The following ACVR1B variants were observed in gnomAD, a reference collection of about 807,000 sequenced individuals.
The protein encoded by ACVR1B is activin A receptor type 1B.
A neutral mutation model predicts 55.6 loss-of-function variants in ACVR1B; 15 were observed. The ratio of observed to expected loss-of-function variants is 0.27; its 90% CI spans 0.18 to 0.42. The LOEUF (loss-of-function observed/expected upper bound fraction) is 0.42. Ranked by LOEUF, ACVR1B falls within the 10% of genes least tolerant of loss-of-function variation. ACVR1B has a pLI of 1.00. For synonymous variants in ACVR1B, 247 were observed against 254.6 expected, an observed-to-expected ratio of 0.97 and a Z score of 0.28; for missense variants, 359 against 670.1, an observed-to-expected ratio of 0.54 and a Z score of 5.13.
intron 3 of ACVR1B, among the ~76,000 whole-genome samples, chr12:51,977,745 G>A (rs1276449212): frequency 6.8e-6 from 1 of 146,386 alleles, no homozygotes; most frequent in Admixed American, 6.9e-5. Flanking sequence ...AGTCTCCTGA[G>A]TAGCTGAGAT....
In ACVR1B at chr12:51,982,633, T is replaced by C; in HGVS notation, c.812-1366T>C. On this transcript the variant is annotated intron_variant, in intron 4 of 8. Coordinates refer to ENST00000257963, the MANE Select transcript of ACVR1B (RefSeq NM_004302.5). ...TGGCATGGTGCAATTTAGAAGTTAG[T>C]GTCTACAAAGCCTACAGAAGATGCT... 5 of 1,459,952 alleles carry C rather than the reference T, an allele frequency of 3.4e-6. No homozygotes were observed. The South Asian group carries it at 4.2e-5, about 12-fold the overall frequency. The allele number at this position is 1,459,952 out of a possible 1,614,324, so 90.4% of individuals were successfully genotyped here. A position where few individuals can be genotyped will look rare whatever the true frequency, so the allele number is the denominator to read the frequency against.
In ACVR1B at chr12:51,971,141, CTGTGT is replaced by C. The variant is rs530436437; in HGVS notation, c.92-4122_92-4118del. Among the ~76,000 whole-genome samples, 174 of 152,280 alleles carry C rather than the reference CTGTGT, an allele frequency of 1.1e-3. 1 individual carries two copies. The South Asian group carries it at 0.013, about 12-fold the overall frequency. On this transcript the variant is annotated intron_variant, in intron 1 of 8. Transcript: ENST00000257963. ...GTGGCCTGTCTTTTCTGAGTTCCAG[CTGTGT>C]TAGGCGCCTCTATAACACGGAGCTA...
intron 1 of ACVR1B, among the ~76,000 whole-genome samples, chr12:51,952,393 C>T (rs1009063354): frequency 1.3e-5 from 2 of 152,178 alleles, no homozygotes; most frequent in Admixed American, 6.5e-5. Flanking sequence ...CTTCCCCTCC[C>T]TCCACTGCCT....
At chr12:51,975,076 C>T (rs1386933248) in intron 1 of ACVR1B, among the ~76,000 whole-genome samples, 189 bp from the exon 2 acceptor site, 1 of 152,176 alleles carries the variant, frequency 6.6e-6, no homozygotes, top group Non-Finnish European at 1.5e-5. Context: ...AGTGGAGCTT[C>T]AAAAGCCTTG....
At chr12:51,966,364 GC>G (rs1941640412) in intron 1 of ACVR1B, among the ~76,000 whole-genome samples, 1 of 152,226 alleles carries the variant, frequency 6.6e-6, no homozygotes, top group African/African-American at 2.4e-5. Context: ...AAATAACAGT[GC>G]AAGCGGGAAC....
In ACVR1B at chr12:51,956,560, CCTCT is replaced by C. The variant is rs141977427; in HGVS notation, c.91+4729_91+4732del. Among the ~76,000 whole-genome samples the C allele has an allele frequency of 6.2e-4, 95 of 152,304 alleles. No individual in the cohort carries two copies. In the East Asian group the frequency reaches 0.018, roughly 29 times the overall value. ...TAGTGTGCCTGGAGCTGCCACTTCA[CCTCT>C]CTATCAGCTTCATTGTTTTATCTGT... On this transcript the variant is annotated intron_variant, in intron 1 of 8. Coordinates refer to ENST00000257963, the MANE Select transcript of ACVR1B (RefSeq NM_004302.5).
At chr12:51,975,923 C>G (rs1197325525) in intron 2 of ACVR1B, among the ~76,000 whole-genome samples, 6 of 152,206 alleles carry the variant, frequency 3.9e-5, no homozygotes, top group Non-Finnish European at 7.3e-5. Flanking sequence ...CCGAGAAACA[C>G]CACATACCAT....
In ACVR1B at chr12:51,991,983, A is replaced by G. The variant is rs756507261; in HGVS notation, c.1382A>G (p.Gln461Arg). The G allele has an allele frequency of 3.1e-6, 5 of 1,614,130 alleles. No homozygotes were observed. In the African/African-American group the frequency reaches 4.0e-5, roughly 13 times the overall value. The change falls in exon 8 of 9, where the codon CAG (glutamine) becomes CGG (arginine). Residue 461 changes from glutamine (Q) to arginine (R), a missense_variant. Coordinates refer to ENST00000257963, the MANE Select transcript of ACVR1B (RefSeq NM_004302.5). ...KLRPNIPNWW[Q>R]SYEALRVMGK... is the part of the protein sequence containing the mutation. Reference sequence around the variant, plus strand: ...CGTCCCAACATCCCCAACTGGTGGCAGAGTTATGAGGTAAGAAGCTGGCCT... The same window carrying G: ...CGTCCCAACATCCCCAACTGGTGGCGGAGTTATGAGGTAAGAAGCTGGCCT...
In ACVR1B at chr12:51,976,424, CATT is replaced by C. The variant is rs544863712; in HGVS notation, c.430_432del (p.Ile144del). 48 of 1,614,178 alleles carry C rather than the reference CATT, an allele frequency of 3.0e-5. No homozygotes were observed. Among genetic ancestry groups the C allele is most frequent in the South Asian group, 9.9e-5 (9 of 91,080 alleles). Reference sequence around the variant, plus strand: ...TGTTCCTCCTGTTCCTCATCATCATCATTGTTTTCCTTGTCATTAACTATCATC... The same window carrying C: ...TGTTCCTCCTGTTCCTCATCATCATCGTTTTCCTTGTCATTAACTATCATC... On this transcript the variant is annotated inframe_deletion, in exon 3 of 9. Coordinates refer to ENST00000257963, the MANE Select transcript of ACVR1B (RefSeq NM_004302.5).
intron 7 of ACVR1B, among the ~76,000 whole-genome samples, chr12:51,990,618 C>T (rs1363019046): frequency 6.6e-6 from 1 of 152,096 alleles, no homozygotes; most frequent in Non-Finnish European, 1.5e-5. Context: ...GCCTGGCAAA[C>T]ATTAATGTCA....
At chr12:51,966,141 G>GGT (rs1316074722) in intron 1 of ACVR1B, among the ~76,000 whole-genome samples, 5 of 152,158 alleles carry the variant, frequency 3.3e-5, no homozygotes, top group African/African-American at 7.2e-5. Context: ...TGTGAGGGAT[G>GGT]GTAGGGATGG....
At chr12:51,974,668 G>A (rs2120591860) in intron 1 of ACVR1B, among the ~76,000 whole-genome samples, 1 of 152,278 alleles carries the variant, frequency 6.6e-6, no homozygotes, top group African/African-American at 2.4e-5. Context: ...TCTCTTTGGA[G>A]GATATCATTT....
At position 51,951,716 on chromosome 12, in the gene ACVR1B, G is replaced by GGCT. The variant is rs576598174; in HGVS notation, c.-26_-25insTGC. 1 of 13,780 alleles carries GGCT rather than the reference G, an allele frequency of 7.3e-5. No homozygotes were observed. Among genetic ancestry groups the GGCT allele is most frequent in the East Asian group, 0.033 (1 of 30 alleles). The allele number at this position is 13,780 out of a possible 1,614,324, so 0.9% of individuals were successfully genotyped here. A position where few individuals can be genotyped will look rare whatever the true frequency, so the allele number is the denominator to read the frequency against. On this transcript the variant is annotated 5_prime_UTR_variant, in exon 1 of 9. Coordinates refer to ENST00000257963, the MANE Select transcript of ACVR1B (RefSeq NM_004302.5). ...CGCGCGCTGGGCGCTGCTGGGCTGC[G>GGCT]GCGGCGGCGGCGGCGGCGGTGGTTA...
intron 7 of ACVR1B, 25 bp downstream of exon 7, chr12:51,986,967 C>T: frequency 5.6e-6 from 9 of 1,614,158 alleles, no homozygotes; most frequent in Non-Finnish European, 7.6e-6. Context: ...TGCCTTTGCT[C>T]CTACCTCCCA....
intron 8 of ACVR1B, among the ~76,000 whole-genome samples, chr12:51,993,130 T>A (rs1942226118): frequency 6.6e-6 from 1 of 152,172 alleles, no homozygotes; most frequent in Non-Finnish European, 1.5e-5. Flanking sequence ...CCTTGTTGCT[T>A]GTGTGTGTAG....
intron 1 of ACVR1B, among the ~76,000 whole-genome samples, chr12:51,975,033 C>G (rs1266934272): frequency 6.6e-6 from 1 of 152,198 alleles, no homozygotes; most frequent in Non-Finnish European, 1.5e-5. Context: ...CTCTGTCTCT[C>G]ACAGGCATAA....
At position 51,951,728 on chromosome 12, in the gene ACVR1B, GGC is replaced by G; in HGVS notation, c.-14_-13del. The G allele has an allele frequency of 1.1e-5, 13 of 1,223,688 alleles. No homozygotes were observed. The highest frequency in any genetic ancestry group is 1.2e-5 in the Non-Finnish European group (12 of 971,298). 75.8% of individuals were successfully genotyped at this position (1,223,688 alleles called of 1,614,324 possible). ...GCTGCTGGGCTGCGGCGGCGGCGGC[GGC>G]GGCGGTGGTTACTATGGCGGAGTCG... On this transcript the variant is annotated 5_prime_UTR_variant, in exon 1 of 9. Coordinates refer to ENST00000257963, the MANE Select transcript of ACVR1B (RefSeq NM_004302.5).
rs374887252 is a variant in ACVR1B at position 51,984,054 on chromosome 12, C to T, written c.867C>T (p.Ser289=). ...WLVSDYHEHG[S]LFDYLNRYTV... is the part of the protein sequence containing the mutation. ...TTTCTGACTATCATGAGCACGGGTC[C>T]CTGTTTGATTATCTGAACCGGTACA... The change falls in exon 5 of 9, where the codon TCC becomes TCT. Residue 289 remains serine, a synonymous_variant. Coordinates refer to ENST00000257963, the MANE Select transcript of ACVR1B (RefSeq NM_004302.5). The T allele has an allele frequency of 1.9e-6, 3 of 1,614,012 alleles. No individual in the cohort carries two copies. The highest frequency in any genetic ancestry group is 2.5e-6 in the Non-Finnish European group (3 of 1,180,038).
chr12:51,982,778 A>AG, intron 4 of ACVR1B: 1 of 1,531,170 alleles, frequency 6.5e-7, no homozygotes, highest in Non-Finnish European at 8.7e-7. Flanking sequence ...CAAGGGAGGA[A>AG]GGGGAAGAGC....
Sources: allele counts gnomAD v4.1 joint callset (sites outside exome capture counted in the v4.1 genomes callset), GRCh38; gene constraint gnomAD v4.1.1; transcripts MANE v1.5; gene names NCBI Gene and HGNC (gene_info 2026-07-23, HGNC 2026-07-21).